KAZN: variants seen among roughly 807,000 people sequenced by gnomAD.
The protein encoded by KAZN is kazrin, periplakin interacting protein.
KAZN carries 40 observed loss-of-function variants against 87.4 expected under a neutral mutation model. That is an observed-to-expected ratio of 0.46 (90% CI 0.36 to 0.60). The LOEUF (loss-of-function observed/expected upper bound fraction) is 0.60, where lower values mean the gene tolerates loss of function less well. KAZN is among the 20% of genes least tolerant of loss of function. KAZN has a pLI of 0.00. For synonymous variants in KAZN, 466 were observed against 458.3 expected, an observed-to-expected ratio of 1.02 and a Z score of -0.22; for missense variants, 898 against 1,073.9, an observed-to-expected ratio of 0.84 and a Z score of 2.29.
Position 15,060,180 on chromosome 1 carries a change from G to A in KAZN, c.925G>A (p.Val309Met), listed in dbSNP as rs1638658925. 1 of 1,614,060 alleles carries A rather than the reference G, an allele frequency of 6.2e-7. No homozygotes were observed. The highest frequency in any genetic ancestry group is 1.7e-5 in the Admixed American group (1 of 60,008). The change falls in exon 6 of 15, where the codon GTG becomes ATG. Residue 309 changes from valine (V) to methionine (M), a missense_variant. This residue lies in a region of KAZN where 521 missense variants were observed against 689.4 expected (regional missense o/e 0.76). Transcript: ENST00000376030. ...CTGTCCCTGCTTTCCAGCGGTCAGG[G>A]TGAGCCCCTGCCACTCCCGGCAGCC... ...PHPADRQAVRVSPCHSRQPSV... is the reference protein window; with the variant it reads ...PHPADRQAVRMSPCHSRQPSV...
intron 2 of KAZN, among the ~76,000 whole-genome samples, chr1:14,256,846 C>G (rs1281149205): frequency 6.6e-6 from 1 of 152,136 alleles, no homozygotes; most frequent in Non-Finnish European, 1.5e-5. Context: ...TCTACTCATG[C>G]CTATTGTGAA....
intron 2 of KAZN, among the ~76,000 whole-genome samples, chr1:14,470,921 G>A (rs1378519591): frequency 6.6e-6 from 1 of 152,156 alleles, no homozygotes; most frequent in African/African-American, 2.4e-5. Flanking sequence ...GCTCTGGGGG[G>A]AGCCAGCTGC....
intron 2 of KAZN, among the ~76,000 whole-genome samples, chr1:14,388,876 G>A (rs1571490354): frequency 6.6e-6 from 1 of 152,086 alleles, no homozygotes; most frequent in Non-Finnish European, 1.5e-5. Flanking sequence ...AAAGGCTTCT[G>A]CATAGCAAAG....
At chr1:14,294,414 G>A (rs573774394) in intron 2 of KAZN, among the ~76,000 whole-genome samples, 1 of 152,110 alleles carries the variant, frequency 6.6e-6, no homozygotes, top group East Asian at 2.0e-4. Context: ...TGTCATGGTT[G>A]GTACATGCCA....
intron 2 of KAZN, among the ~76,000 whole-genome samples, chr1:14,451,174 T>C (rs1387599863): frequency 6.6e-6 from 1 of 152,134 alleles, no homozygotes; most frequent in African/African-American, 2.4e-5. Context: ...ATAAATTACC[T>C]AGTCTCAGGC....
rs112943566 is a variant in KAZN, at chr1:14,061,414, G to A, written c.92-119021G>A. 7.2e-3 allele frequency among the ~76,000 whole-genome samples: 1,092 copies of A among 152,312 alleles called. 11 individuals carry two copies. Among genetic ancestry groups the A allele is most frequent in the African/African-American group, 0.025 (1,043 of 41,580 alleles). On this transcript the variant is annotated intron_variant, in intron 1 of 16. Coordinates refer to the KAZN transcript ENST00000636203. ...TGCAAGACACAAGAAGGGGTAGAGAGGGCACAGGCCAGGCAGGCAGAAGAG... is the reference window on the plus strand; with the variant it reads ...TGCAAGACACAAGAAGGGGTAGAGAAGGCACAGGCCAGGCAGGCAGAAGAG...
chr1:14,144,460 A>AT lies in KAZN; in HGVS notation c.92-35966dup, dbSNP rs201249860. On this transcript the variant is annotated intron_variant, in intron 1 of 16. Transcript: ENST00000636203. ...TTAGTTACTGTCTTAGTTTATTATT[A>AT]TTTTTTTTTGTAGAGTTGGCATCTT... Among the ~76,000 whole-genome samples, 501 of 150,400 alleles carry AT rather than the reference A, an allele frequency of 3.3e-3. 1 individual carries two copies. The highest frequency in any genetic ancestry group is 5.1e-3 in the Non-Finnish European group (341 of 67,470).
At chr1:14,764,796 G>A (rs934011260) in intron 1 of KAZN, among the ~76,000 whole-genome samples, 32 of 152,142 alleles carry the variant, frequency 2.1e-4, no homozygotes, top group Non-Finnish European at 2.9e-4. Flanking sequence ...CAGAGGGAAG[G>A]ATTCTAGTTT....
chr1:14,879,569 G>T (rs141777402), intron 1 of KAZN, among the ~76,000 whole-genome samples: 29 of 152,276 alleles, frequency 1.9e-4, no homozygotes, highest in African/African-American at 6.7e-4. Context: ...GATGCTGTTT[G>T]GCTCTGATTT....
chr1:14,251,757 T>C (rs893673900), intron 2 of KAZN, among the ~76,000 whole-genome samples: 4 of 146,202 alleles, frequency 2.7e-5, no homozygotes, highest in African/African-American at 1.0e-4. Context: ...CAAGCAATCC[T>C]CCTGCCTCAG....
At chr1:14,103,140 C>T (rs1483891371) in intron 1 of KAZN, among the ~76,000 whole-genome samples, 5 of 152,026 alleles carry the variant, frequency 3.3e-5, no homozygotes, top group African/African-American at 1.2e-4. Flanking sequence ...AGGCTGGTCT[C>T]GAACTCCTGG....
intron 2 of KAZN, among the ~76,000 whole-genome samples, chr1:14,183,918 GC>G (rs35499370): frequency 0.69 from 104,122 of 151,550 alleles, 37,436 homozygotes; most frequent in African/African-American, 0.9. Context: ...TAAGGAGGCT[GC>G]CCTGGGTCTG....
chr1:14,971,538 G>A (rs2101838507), intron 2 of KAZN, among the ~76,000 whole-genome samples: 1 of 152,212 alleles, frequency 6.6e-6, no homozygotes, highest in East Asian at 1.9e-4. Flanking sequence ...TGATTCTGAG[G>A]TTCTCAGGGG....
At chr1:15,001,397 C>T (rs554079185) in intron 2 of KAZN, among the ~76,000 whole-genome samples, 25 of 150,950 alleles carry the variant, frequency 1.7e-4, no homozygotes, top group Non-Finnish European at 3.4e-4. Context: ...ACCCAGGAGG[C>T]GGAGGTTGCA....
chr1:14,856,460 T>G lies in KAZN; in HGVS notation c.227-104224T>G, dbSNP rs1162044175. On this transcript the variant is annotated intron_variant, in intron 1 of 14. Transcript: ENST00000376030. This position sits in a 1 kb window ranked among gnomAD's most constrained non-coding sequence, Gnocchi z 5.2. ...GACATTACAAAGGGCTGGGAATTAA[T>G]ATATACATAAGCGCATCTGCTCTAA... Among the ~76,000 whole-genome samples the G allele has an allele frequency of 6.6e-6, 1 of 152,228 alleles. No individual in the cohort carries two copies. The highest frequency in any genetic ancestry group is 2.4e-5 in the African/African-American group (1 of 41,458).
At chr1:14,552,441 C>T (rs979769534) in intron 2 of KAZN, among the ~76,000 whole-genome samples, 10 of 152,234 alleles carry the variant, frequency 6.6e-5, no homozygotes, top group African/African-American at 1.9e-4. Context: ...TTCCGGCAAC[C>T]GGCAGTCTGA....
chr1:15,014,842 C>T (rs1250822107), intron 2 of KAZN, among the ~76,000 whole-genome samples: 2 of 152,146 alleles, frequency 1.3e-5, no homozygotes, highest in Non-Finnish European at 2.9e-5. Context: ...CCTGTCCCGC[C>T]TTCCGTGCCC....
At chr1:14,661,410 C>G (rs1357634821) in intron 1 of KAZN, among the ~76,000 whole-genome samples, 1 of 152,064 alleles carries the variant, frequency 6.6e-6, no homozygotes, top group Non-Finnish European at 1.5e-5. Context: ...CAAACTTTCT[C>G]CACAATGGGC....
At chr1:14,468,406 C>T (rs568432132) in intron 2 of KAZN, among the ~76,000 whole-genome samples, 126 of 152,264 alleles carry the variant, frequency 8.3e-4, no homozygotes, top group Non-Finnish European at 1.2e-3. Flanking sequence ...CCAGGAACTA[C>T]ATGGGGCTCT....
Sources: allele counts gnomAD v4.1 joint callset (sites outside exome capture counted in the v4.1 genomes callset), GRCh38; gene constraint gnomAD v4.1.1; regional missense constraint gnomAD v4.1.1; non-coding constraint Gnocchi (gnomAD v3.1); transcripts MANE v1.5; gene names NCBI Gene and HGNC (gene_info 2026-07-23, HGNC 2026-07-21).